The following SNRNP40 variants were observed in gnomAD, a reference collection of about 807,000 sequenced individuals.
The protein encoded by SNRNP40 is U5 small nuclear ribonucleoprotein 40 kDa protein.
Under a neutral mutation model 45.8 loss-of-function variants are expected in SNRNP40, and 21 were observed. The ratio of observed to expected loss-of-function variants is 0.46; its 90% CI spans 0.32 to 0.66. The LOEUF (loss-of-function observed/expected upper bound fraction) is 0.66, where lower values mean the gene tolerates loss of function less well. SNRNP40 is among the 30% of genes least tolerant of loss of function. SNRNP40 has a pLI of 0.03. For synonymous variants in SNRNP40, 142 were observed against 163.8 expected (o/e 0.87, Z 1.01); for missense variants, 344 against 439.1 (o/e 0.78, Z 1.94).
intron 5 of SNRNP40, among the ~76,000 whole-genome samples, chr1:31,274,409 G>C (rs1645960886): frequency 6.6e-6 from 1 of 151,936 alleles, no homozygotes; most frequent in South Asian, 2.1e-4. Context: ...GCTAATTTTT[G>C]TATTTTCAGC....
At chr1:31,294,865 C>T (rs1646130734) in intron 1 of SNRNP40, among the ~76,000 whole-genome samples, 1 of 151,118 alleles carries the variant, frequency 6.6e-6, no homozygotes, top group Admixed American at 6.6e-5. Flanking sequence ...TCGCTTGAAC[C>T]CGGGTGGCGG....
Position 31,267,923 on chromosome 1 carries a change from T to C in SNRNP40, c.868A>G (p.Arg290Gly). 6.2e-7 allele frequency: 1 copy of C among 1,611,508 alleles called. No individual in the cohort carries two copies. The highest frequency in any genetic ancestry group is 8.5e-7 in the Non-Finnish European group (1 of 1,177,814). The change falls in exon 8 of 10, where the codon AGA (arginine) becomes GGA (glycine). Residue 290 changes from arginine to glycine, a missense_variant. By Grantham distance (125) the Arg-to-Gly change is moderately radical. This residue lies in a region of SNRNP40 where 254 missense variants were observed against 380.2 expected (regional missense o/e 0.67). Coordinates refer to ENST00000263694, the MANE Select transcript of SNRNP40 (RefSeq NM_004814.3). ...CTTCCATCAGGTGACCAAGAACATC[T>C]CAGAAGGTTCTATGATAAACAAGAA... ...NVHNFEKNLL[R>G]CSWSPDGSKI...
chr1:31,294,014 A>C (rs1477295581), intron 1 of SNRNP40, among the ~76,000 whole-genome samples: 1 of 152,040 alleles, frequency 6.6e-6, no homozygotes, highest in Non-Finnish European at 1.5e-5. Flanking sequence ...GCTGGAGTGC[A>C]GTGGTGTGAT....
intron 4 of SNRNP40, among the ~76,000 whole-genome samples, chr1:31,287,847 A>G (rs539142809): frequency 4.1e-4 from 62 of 152,224 alleles, no homozygotes; most frequent in African/African-American, 1.5e-3. Context: ...AAAATACAAA[A>G]ACTAGCTGGG....
At position 31,296,745 on chromosome 1, in the gene SNRNP40, C is replaced by G. The variant is rs766971883; in HGVS notation, c.7G>C (p.Glu3Gln). The G allele has an allele frequency of 3.7e-6, 6 of 1,602,984 alleles. No individual in the cohort carries two copies. Among genetic ancestry groups the G allele is most frequent in the East Asian group, 2.2e-5 (1 of 44,488 alleles). MI[E>Q]QQKRKGPELP... is the part of the protein sequence containing the mutation. ...TCTGGGCCCTTACGCTTCTGCTGTTCTATCATGGCGGCAACCGGTCTCTTC... is the reference window on the plus strand; with the variant it reads ...TCTGGGCCCTTACGCTTCTGCTGTTGTATCATGGCGGCAACCGGTCTCTTC... Residue 3 changes from glutamate (E) to glutamine (Q), a missense_variant, in exon 1 of 10, where the codon GAA becomes CAA. Physicochemically the swap from Glu to Gln is conservative, Grantham distance 29 (BLOSUM62 2). This residue lies in a region of SNRNP40 where 90 missense variants were observed against 58.9 expected (regional missense o/e 1.53). Transcript: ENST00000263694.
At chr1:31,273,269 T>C (rs889183945) in intron 5 of SNRNP40, among the ~76,000 whole-genome samples, 1 of 152,154 alleles carries the variant, frequency 6.6e-6, no homozygotes, top group African/African-American at 2.4e-5. Context: ...CTCACAGAAC[T>C]TGTGTGTTAT....
Position 31,289,315 on chromosome 1 carries a change from C to A in SNRNP40, c.470G>T (p.Cys157Phe). Residue 157 changes from cysteine (C) to phenylalanine (F), a missense_variant, in exon 4 of 10, where the codon TGT becomes TTT. Transcript: ENST00000263694. ...LKGHTSFVNS[C>F]YPARRGPQLV... ...CTGAGGGCCTCTCCTGGCTGGATAACAGGAATTCACAAAGGAAGTATGTCC... is the reference window on the plus strand; with the variant it reads ...CTGAGGGCCTCTCCTGGCTGGATAAAAGGAATTCACAAAGGAAGTATGTCC... 1 of 1,614,110 alleles carries A rather than the reference C, an allele frequency of 6.2e-7. No homozygotes were observed. Among genetic ancestry groups the A allele is most frequent in the Non-Finnish European group, 8.5e-7 (1 of 1,179,940 alleles).
At chr1:31,269,354 G>A (rs1047147167) in intron 6 of SNRNP40, 114 bp from the exon 7 acceptor site, 34 of 1,506,270 alleles carry the variant, frequency 2.3e-5, no homozygotes, top group Middle Eastern at 1.8e-4. Context: ...CTGTTTCCTC[G>A]GTGGGCAAAG....
intron 8 of SNRNP40, among the ~76,000 whole-genome samples, chr1:31,262,890 T>C (rs982948318): frequency 6.6e-6 from 1 of 151,698 alleles, no homozygotes; most frequent in African/African-American, 2.4e-5. Flanking sequence ...TGGTCCCAGC[T>C]ACTTGGGAGG....
At chr1:31,295,912 G>A (rs902963833) in intron 1 of SNRNP40, among the ~76,000 whole-genome samples, 4 of 152,176 alleles carry the variant, frequency 2.6e-5, no homozygotes, top group African/African-American at 7.2e-5. Flanking sequence ...GAGATGTGAG[G>A]ACACTCGTAT....
intron 5 of SNRNP40, among the ~76,000 whole-genome samples, chr1:31,273,398 T>A (rs1033321548): frequency 9.9e-5 from 15 of 151,992 alleles, no homozygotes; most frequent in African/African-American, 3.4e-4. Flanking sequence ...TTCCAGCACT[T>A]TGGGAGGCCA....
At chr1:31,265,640 A>G (rs925183806) in intron 8 of SNRNP40, among the ~76,000 whole-genome samples, 11 of 152,140 alleles carry the variant, frequency 7.2e-5, no homozygotes, top group Non-Finnish European at 1.3e-4. Flanking sequence ...GGAGATTGAG[A>G]TCATTCTGGC....
At chr1:31,271,175 T>C in intron 6 of SNRNP40, 1 of 499,776 alleles carries the variant, frequency 2.0e-6, no homozygotes, top group Non-Finnish European at 3.5e-6. Flanking sequence ...CTTATCAATG[T>C]AGAAACTGAT....
chr1:31,291,077 T>C (rs1218271347), intron 3 of SNRNP40, among the ~76,000 whole-genome samples: 3 of 150,720 alleles, frequency 2.0e-5, no homozygotes, highest in Admixed American at 6.6e-5. Context: ...TCACCTGCGG[T>C]TGGGAGTTCA....
chr1:31,272,024 T>C lies in SNRNP40; in HGVS notation c.655-525A>G, dbSNP rs553187230. Among the ~76,000 whole-genome samples the C allele has an allele frequency of 3.3e-5, 5 of 152,156 alleles. No individual in the cohort carries two copies. The South Asian group carries it at 1.0e-3, about 32-fold the overall frequency. On this transcript the variant is annotated intron_variant, in intron 5 of 9. Coordinates refer to ENST00000263694, the MANE Select transcript of SNRNP40 (RefSeq NM_004814.3). ...GCATATCAAATGTTAAGATAAAGTT[T>C]TACACACAAAAAAATAGAATTCAGA...
intron 8 of SNRNP40, among the ~76,000 whole-genome samples, chr1:31,266,082 G>A (rs781182989): frequency 1.3e-5 from 2 of 151,588 alleles, no homozygotes; most frequent in Non-Finnish European, 2.9e-5. Flanking sequence ...TTTTCCTCCA[G>A]AAAATACCTG....
chr1:31,267,973 C>A, intron 7 of SNRNP40, 41 bp from the exon 8 acceptor site: 1 of 1,415,398 alleles, frequency 7.1e-7, no homozygotes, highest in Non-Finnish European at 1.0e-6. Flanking sequence ...ATATACCAAA[C>A]TCCTCTTTGC....
Position 31,271,634 on chromosome 1 carries a change from G to C in SNRNP40, c.655-135C>G, listed in dbSNP as rs866977534. ...TAAAACACAGGATTTCTGTCAAAGA[G>C]AAAAACACCTTTTTTTAATTTTCAT... On this transcript the variant is annotated intron_variant, in intron 5 of 9. Transcript: ENST00000263694. The C allele has an allele frequency of 2.2e-5, 18 of 831,798 alleles. No homozygotes were observed. In the African/African-American group the frequency reaches 2.8e-4, roughly 13 times the overall value. 51.5% of individuals were successfully genotyped at this position (831,798 alleles called of 1,614,324 possible).
intron 5 of SNRNP40, 53 bp downstream of exon 5, chr1:31,281,321 G>T (rs1022529034): frequency 1.4e-6 from 2 of 1,478,738 alleles, no homozygotes; most frequent in Non-Finnish European, 1.8e-6. Flanking sequence ...GAAAAAATTC[G>T]TTTCTAAGTG....
Sources: allele counts gnomAD v4.1 joint callset (sites outside exome capture counted in the v4.1 genomes callset), GRCh38; gene constraint gnomAD v4.1.1; regional missense constraint gnomAD v4.1.1; transcripts MANE v1.5; gene names NCBI Gene and HGNC (gene_info 2026-07-23, HGNC 2026-07-21).